MYADM: variants seen among roughly 807,000 people sequenced by gnomAD.
The protein encoded by MYADM is myeloid-associated differentiation marker.
For synonymous variants in MYADM, 224 were observed against 210.2 expected (o/e 1.07, Z -0.57); for missense variants, 416 against 443.4 (o/e 0.94, Z 0.56).
intron 2 of MYADM, among the ~76,000 whole-genome samples, chr19:53,872,205 A>AT (rs888851393): frequency 3.4e-5 from 5 of 147,984 alleles, no homozygotes; most frequent in African/African-American, 1.0e-4. Flanking sequence ...AGATTATTTT[A>AT]TTTTTTTTGA....
intron 2 of MYADM, among the ~76,000 whole-genome samples, chr19:53,871,483 G>A (rs536825693): frequency 6.6e-6 from 1 of 152,170 alleles, no homozygotes; most frequent in African/African-American, 2.4e-5. Flanking sequence ...GTTAGACTGA[G>A]AGTGAAGGTT....
chr19:53,874,329 A>G lies in MYADM; in HGVS notation c.800A>G (p.Tyr267Cys), dbSNP rs1264882496. ...CCCCTCTACCAGTTCGATGAGAAGT[A>G]TGGCGGCCAGCCTCGGCGCTCGAGA... ...LWPLYQFDEK[Y>C]GGQPRRSRDV... Residue 267 changes from tyrosine (Y) to cysteine (C), a missense_variant, in exon 3 of 3, where the codon TAT becomes TGT. By Grantham distance (194) the Tyr-to-Cys change is radical. Transcript: ENST00000391770. The G allele has an allele frequency of 6.2e-7, 1 of 1,613,078 alleles. No homozygotes were observed. The highest frequency in any genetic ancestry group is 8.5e-7 in the Non-Finnish European group (1 of 1,179,166).
upstream of MYADM, among the ~76,000 whole-genome samples, chr19:53,867,507 A>G (rs1394511717): frequency 6.6e-6 from 1 of 152,106 alleles, no homozygotes; most frequent in African/African-American, 2.4e-5. Flanking sequence ...GCTCTGCACT[A>G]AACAAACCCT....
At position 53,874,128 on chromosome 19, in the gene MYADM, A is replaced by G; in HGVS notation, c.599A>G (p.Gln200Arg). 2.5e-6 allele frequency: 4 copies of G among 1,613,416 alleles called. No individual in the cohort carries two copies. The highest frequency in any genetic ancestry group is 3.4e-6 in the Non-Finnish European group (4 of 1,180,038). The part of the protein sequence containing the change: ...FISDPNLYQH[Q>R]PALEWCVAVY... Reference sequence around the variant, plus strand: ...AGCGACCCCAACCTGTACCAGCACCAGCCGGCCCTGGAGTGGTGCGTGGCG... The same window carrying G: ...AGCGACCCCAACCTGTACCAGCACCGGCCGGCCCTGGAGTGGTGCGTGGCG... Residue 200 changes from glutamine (Q) to arginine (R), a missense_variant, in exon 3 of 3, where the codon CAG (glutamine) becomes CGG (arginine). By Grantham distance (43) the Gln-to-Arg change is conservative. Coordinates refer to ENST00000391770, the MANE Select transcript of MYADM (RefSeq NM_138373.5).
At position 53,873,190 on chromosome 19, in the gene MYADM, T is replaced by A. The variant is rs2068428255; in HGVS notation, c.-2-338T>A. Among the ~76,000 whole-genome samples the A allele has an allele frequency of 6.6e-6, 1 of 152,040 alleles. No individual in the cohort carries two copies. Among genetic ancestry groups the A allele is most frequent in the Non-Finnish European group, 1.5e-5 (1 of 68,010 alleles). ...ATCGAGACCATCCTGGCTAACACAG[T>A]GAAACCCCGTCTCTACTAAAAATAC... On this transcript the variant is annotated intron_variant, in intron 2 of 2. Transcript: ENST00000391770. The surrounding 1 kb of genome is among the most constrained non-coding windows in gnomAD (Gnocchi z 4.3).
rs2122958946 is a variant in MYADM, at chr19:53,876,275, T to C, written c.*1777T>C. The C allele has an allele frequency of 6.1e-6, 1 of 162,634 alleles. No homozygotes were observed. The highest frequency in any genetic ancestry group is 1.5e-5 in the Non-Finnish European group (1 of 67,446). The allele number at this position is 162,634 out of a possible 1,614,324, so 10.1% of individuals were successfully genotyped here. ...ATACATAACGTGATATATATATATA[T>C]ATATATAAATGTATAAATATATATT... On this transcript the variant is annotated 3_prime_UTR_variant, in exon 3 of 3. Transcript: ENST00000391770.
intron 2 of MYADM, among the ~76,000 whole-genome samples, chr19:53,871,910 T>G (rs1480010854): frequency 2.0e-5 from 3 of 152,060 alleles, no homozygotes; most frequent in Non-Finnish European, 4.4e-5. Flanking sequence ...TTTTATTTTA[T>G]TTTTTGAGAT....
chr19:53,874,012 GC>G lies in MYADM; in HGVS notation c.486del (p.Gly163AlafsTer14). 1 of 1,608,444 alleles carries G rather than the reference GC, an allele frequency of 6.2e-7. No homozygotes were observed. Among genetic ancestry groups the G allele is most frequent in the Non-Finnish European group, 8.5e-7 (1 of 1,180,000 alleles). ...CCGAAGTGGCCTGGACCCGGGCCCG[GC>G]CCGGCGAGATCACTGGCTATATGGC... ...ATEVAWTRARPGEITGYMATV... is the reference protein window; with the variant it reads ...ATEVAWTRARXGEITGYMATV... On this transcript the variant is annotated frameshift_variant, in exon 3 of 3. Coordinates refer to ENST00000391770, the MANE Select transcript of MYADM (RefSeq NM_138373.5). LOFTEE classifies it low-confidence loss of function (END_TRUNC).
upstream of MYADM, chr19:53,867,851 G>A (rs1015097132): frequency 1.3e-5 from 2 of 151,834 alleles, no homozygotes; most frequent in African/African-American, 4.8e-5. Context: ...GCCCGCGCTG[G>A]CTCCCCAGCC....
Position 53,873,379 on chromosome 19 carries a change from AAAAAAG to A in MYADM, c.-2-144_-2-139del. 5 of 884,236 alleles carry A rather than the reference AAAAAAG, an allele frequency of 5.7e-6. No individual in the cohort carries two copies. The South Asian group carries it at 8.8e-5, about 16-fold the overall frequency. The allele number at this position is 884,236 out of a possible 1,614,324, so 54.8% of individuals were successfully genotyped here. ...AGAGCAAGACTCTGTCTCAAAAAAA[AAAAAAG>A]AAAAGAAAACCGAAAGCCCCACATC... On this transcript the variant is annotated intron_variant, in intron 2 of 2. Transcript: ENST00000391770. This position sits in a 1 kb window ranked among gnomAD's most constrained non-coding sequence, Gnocchi z 4.3.
chr19:53,874,333 C>A lies in MYADM; in HGVS notation c.804C>A (p.Gly268=). 1 of 1,612,926 alleles carries A rather than the reference C, an allele frequency of 6.2e-7. No homozygotes were observed. The highest frequency in any genetic ancestry group is 8.5e-7 in the Non-Finnish European group (1 of 1,179,064). The change falls in exon 3 of 3, where the codon GGC becomes GGA. Residue 268 remains glycine, a synonymous_variant. Transcript: ENST00000391770. ...TCTACCAGTTCGATGAGAAGTATGG[C>A]GGCCAGCCTCGGCGCTCGAGAGATG... ...WPLYQFDEKY[G]GQPRRSRDVS...
At chr19:53,872,109 G>C (rs1232245984) in intron 2 of MYADM, among the ~76,000 whole-genome samples, 1 of 152,068 alleles carries the variant, frequency 6.6e-6, no homozygotes, top group East Asian at 1.9e-4. Context: ...ATGTTGGTCA[G>C]GCTGGTCTTG....
At chr19:53,867,831 C>A (rs1450579081), upstream of MYADM, 1 of 152,490 alleles carries the variant, frequency 6.6e-6, no homozygotes, top group Admixed American at 6.5e-5. Flanking sequence ...CCCGGCCCCG[C>A]CCCCGTCCCG....
rs181827562 is a variant in MYADM, at chr19:53,873,099, C to T, written c.-2-429C>T. 1.3e-5 allele frequency among the ~76,000 whole-genome samples: 2 copies of T among 152,236 alleles called. No individual in the cohort carries two copies. Among genetic ancestry groups the T allele is most frequent in the Admixed American group, 6.5e-5 (1 of 15,282 alleles). On this transcript the variant is annotated intron_variant, in intron 2 of 2. Coordinates refer to ENST00000391770, the MANE Select transcript of MYADM (RefSeq NM_138373.5). This position sits in a 1 kb window ranked among gnomAD's most constrained non-coding sequence, Gnocchi z 4.3. ...CCATTTGAAAACCCAAGGCTGGGCC[C>T]GGTGGCTCACGCCTATAATCCCAGC...
chr19:53,876,231 C>G lies in MYADM; in HGVS notation c.*1733C>G, dbSNP rs2068533690. On this transcript the variant is annotated 3_prime_UTR_variant, in exon 3 of 3. Transcript: ENST00000391770. The stretch of plus-strand genomic sequence containing the variant: ...GCTAGTTGCTTCTTGCTGCTGCTTC[C>G]TGCTTGTCTGGGACTCACATACATA... 3 of 164,662 alleles carry G rather than the reference C, an allele frequency of 1.8e-5. No individual in the cohort carries two copies. Among genetic ancestry groups the G allele is most frequent in the African/African-American group, 7.3e-5 (3 of 40,904 alleles). The allele number at this position is 164,662 out of a possible 1,614,324, so 10.2% of individuals were successfully genotyped here.
intron 2 of MYADM, among the ~76,000 whole-genome samples, chr19:53,870,493 C>T (rs1478905593): frequency 6.6e-6 from 1 of 151,886 alleles, no homozygotes; most frequent in East Asian, 1.9e-4. Flanking sequence ...GTCCTGGGCT[C>T]CTAGATCCTG....
chr19:53,872,950 A>T (rs2068423049), intron 2 of MYADM, among the ~76,000 whole-genome samples: 1 of 152,204 alleles, frequency 6.6e-6, no homozygotes, highest in Non-Finnish European at 1.5e-5. Context: ...GTCTTGAAAG[A>T]GAGAAGAATC....
At position 53,875,323 on chromosome 19, in the gene MYADM, C is replaced by CAT. The variant is rs779596320; in HGVS notation, c.*840_*841dup. ...TGTACTTCCCCTTTAAATTAAAAAA[C>CAT]ATATATATATATATATTTGGAGGTC... On this transcript the variant is annotated 3_prime_UTR_variant, in exon 3 of 3. Coordinates refer to ENST00000391770, the MANE Select transcript of MYADM (RefSeq NM_138373.5). 281 of 161,718 alleles carry CAT rather than the reference C, an allele frequency of 1.7e-3. 1 individual carries two copies. The highest frequency in any genetic ancestry group is 2.3e-3 in the South Asian group (11 of 4,760). 10.0% of individuals were successfully genotyped at this position (161,718 alleles called of 1,614,324 possible).
upstream of MYADM, chr19:53,866,339 T>G (rs941952941): frequency 6.6e-6 from 1 of 151,778 alleles, no homozygotes; most frequent in Non-Finnish European, 1.5e-5. The surrounding 1 kb of genome is among the most constrained non-coding windows in gnomAD (Gnocchi z 4.3). Context: ...TCAGCGTCGC[T>G]GAGCATCCGC....
Sources: gnomAD v4.1 joint callset for allele counts (sites outside exome capture counted in the v4.1 genomes callset) on GRCh38, gnomAD v4.1.1 for gene constraint, Gnocchi (gnomAD v3.1) non-coding constraint, MANE v1.5 for transcripts, NCBI Gene and HGNC (gene_info 2026-07-23, HGNC 2026-07-21) for gene names.